GMDS: variants seen among roughly 807,000 people sequenced by gnomAD.
The protein encoded by GMDS is GDP-mannose 4,6 dehydratase.
Under a neutral mutation model 49.9 loss-of-function variants are expected in GMDS, and 20 were observed. That is an observed-to-expected ratio of 0.40 (90% CI 0.28 to 0.58). GMDS has a LOEUF of 0.58. Among genes scored for constraint, GMDS ranks in the 20% least tolerant of loss-of-function variants. The pLI is 0.42. For missense variants in GMDS, 362 were observed against 481.4 expected, an observed-to-expected ratio of 0.75 and a Z score of 2.32; for synonymous variants, 177 against 178.6, an observed-to-expected ratio of 0.99 and a Z score of 0.07.
chr6:1,675,889 G>A lies in GMDS; in HGVS notation c.987+50527C>T, dbSNP rs375602316. Among the ~76,000 whole-genome samples the A allele has an allele frequency of 1.1e-4, 16 of 150,586 alleles. No individual in the cohort carries two copies. The East Asian group carries it at 2.1e-3, about 20-fold the overall frequency. On this transcript the variant is annotated intron_variant, in intron 9 of 10. Transcript: ENST00000380815. Reference sequence around the variant, plus strand: ...AAATGATAAAGGGGATATCACCACCGATTCCACAGAAATACAAACTACCAT... The same window carrying A: ...AAATGATAAAGGGGATATCACCACCAATTCCACAGAAATACAAACTACCAT...
At chr6:2,016,784 C>T (rs887846201) in intron 4 of GMDS, among the ~76,000 whole-genome samples, 1 of 151,956 alleles carries the variant, frequency 6.6e-6, no homozygotes, top group African/African-American at 2.4e-5. Context: ...AGAAAATATG[C>T]AAATATTTAG....
intron 4 of GMDS, among the ~76,000 whole-genome samples, chr6:2,088,580 A>G (rs1277452619): frequency 1.3e-5 from 2 of 152,180 alleles, no homozygotes; most frequent in African/African-American, 4.8e-5. Context: ...ATTGAGATAG[A>G]AATTTTCTAT....
At chr6:2,022,026 G>T (rs1455748665) in intron 4 of GMDS, among the ~76,000 whole-genome samples, 1 of 152,174 alleles carries the variant, frequency 6.6e-6, no homozygotes, top group Non-Finnish European at 1.5e-5. Context: ...TGGACTTGAG[G>T]ATGAGGGAAT....
intron 4 of GMDS, among the ~76,000 whole-genome samples, chr6:2,101,306 T>TA (rs1007421500): frequency 3.4e-5 from 5 of 146,700 alleles, no homozygotes; most frequent in East Asian, 2.0e-4. Context: ...AAAAAAACAC[T>TA]AAAAAAACAA....
At chr6:2,058,558 A>G (rs543425099) in intron 4 of GMDS, among the ~76,000 whole-genome samples, 2 of 152,312 alleles carry the variant, frequency 1.3e-5, no homozygotes, top group Admixed American at 6.5e-5. Context: ...CTTGAGAGGT[A>G]GAGAGTTCCA....
intron 7 of GMDS, among the ~76,000 whole-genome samples, chr6:1,825,405 T>C (rs988089794): frequency 6.6e-6 from 1 of 152,194 alleles, no homozygotes. Flanking sequence ...ACTGGCATAA[T>C]TGAGCTATGG....
intron 4 of GMDS, among the ~76,000 whole-genome samples, chr6:2,076,749 C>CA (rs1772364924): frequency 6.6e-6 from 1 of 152,140 alleles, no homozygotes; most frequent in Non-Finnish European, 1.5e-5. Flanking sequence ...ACACCTTATA[C>CA]AAAAATTAAT....
At chr6:1,885,120 C>T (rs1316733972) in intron 7 of GMDS, among the ~76,000 whole-genome samples, 10 of 152,132 alleles carry the variant, frequency 6.6e-5, no homozygotes, top group Non-Finnish European at 1.5e-5. Flanking sequence ...ATAAAGCCCT[C>T]GTTATGGAGA....
chr6:2,211,845 C>A (rs1196305043), intron 1 of GMDS, among the ~76,000 whole-genome samples: 2 of 152,194 alleles, frequency 1.3e-5, no homozygotes, highest in Non-Finnish European at 2.9e-5. Flanking sequence ...GACTTCCAGT[C>A]TTTTAGGTGA....
intron 1 of GMDS, among the ~76,000 whole-genome samples, chr6:2,231,794 TGTCCTACCTTGGA>T (rs1357964851): frequency 6.6e-6 from 1 of 152,210 alleles, no homozygotes; most frequent in Non-Finnish European, 1.5e-5. Context: ...AGATAACGTG[TGTCCTACCTTGGA>T]GTCAAGAAAA....
intron 4 of GMDS, among the ~76,000 whole-genome samples, chr6:1,963,136 A>G (rs1376476395): frequency 2.7e-5 from 4 of 150,450 alleles, no homozygotes; most frequent in East Asian, 3.9e-4. Context: ...CAGCCTCCCA[A>G]AGTGCTGGAA....
intron 8 of GMDS, among the ~76,000 whole-genome samples, chr6:1,740,556 C>G (rs941557682): frequency 1.5e-5 from 1 of 66,562 alleles, no homozygotes; most frequent in South Asian, 4.9e-4. Flanking sequence ...GACTCCGTCT[C>G]AAAAAAAAAA....
intron 9 of GMDS, among the ~76,000 whole-genome samples, chr6:1,629,196 C>A (rs889855845): frequency 6.6e-6 from 1 of 152,186 alleles, no homozygotes; most frequent in Non-Finnish European, 1.5e-5. Flanking sequence ...TAGCTTGAAG[C>A]CTTACATGCT....
intron 7 of GMDS, among the ~76,000 whole-genome samples, chr6:1,776,144 G>T (rs951464259): frequency 1.3e-5 from 2 of 152,102 alleles, no homozygotes; most frequent in Non-Finnish European, 2.9e-5. Context: ...ATCCGGAGTT[G>T]ACTATACACC....
intron 9 of GMDS, among the ~76,000 whole-genome samples, chr6:1,722,688 G>A (rs529079552): frequency 5.9e-5 from 9 of 152,296 alleles, no homozygotes; most frequent in South Asian, 2.1e-4. Context: ...GCCTATGGTC[G>A]CACAGCTAGT....
At chr6:2,159,926 T>C (rs1240513004) in intron 1 of GMDS, among the ~76,000 whole-genome samples, 2 of 152,142 alleles carry the variant, frequency 1.3e-5, no homozygotes, top group East Asian at 3.8e-4. Context: ...TTCAAACCCG[T>C]GTTAAGGGTC....
At chr6:2,168,225 C>T (rs1233941143) in intron 1 of GMDS, among the ~76,000 whole-genome samples, 1 of 152,198 alleles carries the variant, frequency 6.6e-6, no homozygotes, top group Non-Finnish European at 1.5e-5. Flanking sequence ...CAATTCTTTC[C>T]ATTTCCCTCC....
At chr6:1,911,104 T>C (rs1024852762) in intron 7 of GMDS, among the ~76,000 whole-genome samples, 2 of 152,186 alleles carry the variant, frequency 1.3e-5, no homozygotes, top group Non-Finnish European at 2.9e-5. Context: ...CAGCAACGTG[T>C]ACCATATATT....
At chr6:2,223,679 T>C (rs1433441589) in intron 1 of GMDS, among the ~76,000 whole-genome samples, 1 of 152,088 alleles carries the variant, frequency 6.6e-6, no homozygotes, top group Non-Finnish European at 1.5e-5. Context: ...ATTTCTGACT[T>C]TGGCTCCCAA....
Sources: allele counts gnomAD v4.1 joint callset (sites outside exome capture counted in the v4.1 genomes callset), GRCh38; gene constraint gnomAD v4.1.1; transcripts MANE v1.5; gene names NCBI Gene and HGNC (gene_info 2026-07-23, HGNC 2026-07-21).